Variants in ADAMTS20 observed in about 807,000 individuals in gnomAD.
The protein encoded by ADAMTS20 is ADAM metallopeptidase with thrombospondin type 1 motif 20.
A neutral mutation model predicts 260.1 loss-of-function variants in ADAMTS20; 225 were observed. That is an observed-to-expected ratio of 0.87 (90% CI 0.78 to 0.97). The LOEUF (loss-of-function observed/expected upper bound fraction) is 0.97. Ranked by LOEUF, ADAMTS20 falls within the 50% of genes least tolerant of loss-of-function variation. The pLI, the probability that ADAMTS20 is intolerant of heterozygous loss-of-function variation, is 0.00. For synonymous variants in ADAMTS20, 802 were observed against 769.5 expected (o/e 1.04, Z -0.70); for missense variants, 2,400 against 2,337.7 (o/e 1.03, Z -0.55).
intron 2 of ADAMTS20, among the ~76,000 whole-genome samples, chr12:43,534,659 A>G (rs914275262): frequency 5.3e-5 from 8 of 152,204 alleles, no homozygotes; most frequent in Admixed American, 4.6e-4. Flanking sequence ...AAACAAAAAG[A>G]GAAAACATTC....
intron 2 of ADAMTS20, among the ~76,000 whole-genome samples, chr12:43,532,774 A>G (rs1420569181): frequency 1.5e-5 from 1 of 68,784 alleles, no homozygotes; most frequent in African/African-American, 5.6e-5. Flanking sequence ...CTCATTGTTC[A>G]ATTCCCACCT....
intron 29 of ADAMTS20, among the ~76,000 whole-genome samples, chr12:43,394,611 TC>T (rs1940662150): frequency 6.6e-6 from 1 of 152,162 alleles, no homozygotes; most frequent in Non-Finnish European, 1.5e-5. Flanking sequence ...AAATTACATT[TC>T]TATTGACTAC....
chr12:43,511,830 G>A (rs1180504898), intron 3 of ADAMTS20, among the ~76,000 whole-genome samples: 2 of 152,028 alleles, frequency 1.3e-5, no homozygotes, highest in African/African-American at 4.8e-5. Flanking sequence ...TTTAAATGAG[G>A]ACATAAAAGT....
chr12:43,444,629 A>G (rs1197423262), intron 15 of ADAMTS20, among the ~76,000 whole-genome samples: 2 of 152,184 alleles, frequency 1.3e-5, no homozygotes, highest in Non-Finnish European at 2.9e-5. Context: ...CATGAAAACT[A>G]AAAACACTCA....
chr12:43,523,034 T>C (rs1028125423), intron 3 of ADAMTS20, among the ~76,000 whole-genome samples: 1 of 152,208 alleles, frequency 6.6e-6, no homozygotes, highest in African/African-American at 2.4e-5. Context: ...CTTCATCTTA[T>C]GTGCTAAATC....
rs117012862 is a variant in ADAMTS20, at chr12:43,395,925, T to G, written c.4452+3141A>C. On this transcript the variant is annotated intron_variant, in intron 29 of 38. Coordinates refer to ENST00000389420, the MANE Select transcript of ADAMTS20 (RefSeq NM_025003.5). ...TTTGGATGGCACTAAAGTAAGTAGATGGGACCTGAGACAATGAAGAATCTA... is the reference window on the plus strand; with the variant it reads ...TTTGGATGGCACTAAAGTAAGTAGAGGGGACCTGAGACAATGAAGAATCTA... Among the ~76,000 whole-genome samples, 9 of 152,066 alleles carry G rather than the reference T, an allele frequency of 5.9e-5. No homozygotes were observed. The East Asian group carries it at 1.7e-3, about 29-fold the overall frequency.
intron 28 of ADAMTS20, among the ~76,000 whole-genome samples, chr12:43,417,120 G>A (rs764615161): frequency 1.2e-4 from 18 of 152,232 alleles, no homozygotes; most frequent in Non-Finnish European, 2.4e-4. Flanking sequence ...CCCAGTGCCT[G>A]GTAGATATGG....
chr12:43,373,043 G>A (rs780552333), intron 36 of ADAMTS20, among the ~76,000 whole-genome samples: 3 of 152,210 alleles, frequency 2.0e-5, no homozygotes, highest in Non-Finnish European at 4.4e-5. Context: ...CCATGGATCC[G>A]TGTAAGCTTA....
intron 3 of ADAMTS20, among the ~76,000 whole-genome samples, chr12:43,517,403 AAC>A (rs967921350): frequency 3.9e-5 from 6 of 152,036 alleles, no homozygotes; most frequent in Non-Finnish European, 5.9e-5. Context: ...GAATAAACAA[AAC>A]AGTTAGAAAA....
At chr12:43,402,396 TTTAAA>T (rs1463677822) in intron 28 of ADAMTS20, among the ~76,000 whole-genome samples, 1 of 152,054 alleles carries the variant, frequency 6.6e-6, no homozygotes, top group Non-Finnish European at 1.5e-5. Flanking sequence ...GCTTTATACT[TTTAAA>T]GTAAAGTTCT....
intron 29 of ADAMTS20, among the ~76,000 whole-genome samples, chr12:43,396,168 T>C (rs1940698644): frequency 6.6e-6 from 1 of 152,114 alleles, no homozygotes; most frequent in African/African-American, 2.4e-5. Flanking sequence ...TGTTCCTGTT[T>C]AGCAACAGTC....
intron 6 of ADAMTS20, among the ~76,000 whole-genome samples, chr12:43,490,907 T>C (rs554662788): frequency 4.6e-5 from 7 of 152,034 alleles, no homozygotes; most frequent in Non-Finnish European, 1.0e-4. Context: ...CACCTCTTTC[T>C]CATAGCCCTT....
chr12:43,462,336 C>CT (rs1942077776), intron 11 of ADAMTS20, among the ~76,000 whole-genome samples: 1 of 152,186 alleles, frequency 6.6e-6, no homozygotes, highest in South Asian at 2.1e-4. Flanking sequence ...TCACAAGACA[C>CT]TTTTCATTAT....
Position 43,551,816 on chromosome 12 carries a change from T to C in ADAMTS20, c.91+15A>G, listed in dbSNP as rs774330762. On this transcript the variant is annotated intron_variant, in intron 1 of 38. Coordinates refer to ENST00000389420, the MANE Select transcript of ADAMTS20 (RefSeq NM_025003.5). The surrounding 1 kb of genome is among the most constrained non-coding windows in gnomAD (Gnocchi z 4.6). ...CCCCCACTTAGCCGCTGAAGGCGTCTCGCGGTGACTTTACCTTGCCTGGGG... is the reference window on the plus strand; with the variant it reads ...CCCCCACTTAGCCGCTGAAGGCGTCCCGCGGTGACTTTACCTTGCCTGGGG... The C allele has an allele frequency of 1.2e-6, 2 of 1,612,856 alleles. No individual in the cohort carries two copies. Among genetic ancestry groups the C allele is most frequent in the South Asian group, 1.1e-5 (1 of 91,042 alleles).
chr12:43,425,698 C>T lies in ADAMTS20; in HGVS notation c.4108-8G>A. The T allele has an allele frequency of 6.4e-7, 1 of 1,563,136 alleles. No individual in the cohort carries two copies. Among genetic ancestry groups the T allele is most frequent in the Non-Finnish European group, 8.7e-7 (1 of 1,148,118 alleles). On this transcript the variant is annotated splice_region_variant and splice_polypyrimidine_tract_variant and intron_variant, in intron 27 of 38. Transcript: ENST00000389420. ...TCCACATGTTTGTGAACACTAAAAA[C>T]AAGAATAGGAAAATTCAAAACTGTG...
intron 3 of ADAMTS20, among the ~76,000 whole-genome samples, chr12:43,528,370 A>AAAAAAAAAAAAC (rs1943174421): frequency 6.7e-6 from 1 of 149,136 alleles, no homozygotes; most frequent in African/African-American, 2.5e-5. Context: ...AAAAAAAAAA[A>AAAAAAAAAAAAC]AAAACACAAA....
At chr12:43,466,817 T>G in intron 8 of ADAMTS20, 22 bp from the exon 9 acceptor site, 2 of 1,531,186 alleles carry the variant, frequency 1.3e-6, no homozygotes, top group Non-Finnish European at 1.8e-6. Flanking sequence ...AATAAACACT[T>G]AAAAGGAATA....
In ADAMTS20 at chr12:43,443,861, A is replaced by T; in HGVS notation, c.2220T>A (p.Ile740=). 3 of 1,613,274 alleles carry T rather than the reference A, an allele frequency of 1.9e-6. No individual in the cohort carries two copies. Among genetic ancestry groups the T allele is most frequent in the Non-Finnish European group, 2.5e-6 (3 of 1,179,374 alleles). ...SHYGYNVVVK[I]PAGATNVDIR... is the part of the protein sequence containing the mutation. The stretch of plus-strand genomic sequence containing the variant: ...TGTCAACGTTTGTTGCTCCTGCGGG[A>T]ATCTTTACAACAACATTATAACCTG... Residue 740 remains isoleucine, a synonymous_variant, in exon 16 of 39, where the codon ATT becomes ATA. Coordinates refer to ENST00000389420, the MANE Select transcript of ADAMTS20 (RefSeq NM_025003.5).
chr12:43,442,509 C>T (rs999267894), intron 16 of ADAMTS20, among the ~76,000 whole-genome samples: 2 of 152,122 alleles, frequency 1.3e-5, no homozygotes, highest in African/African-American at 4.8e-5. Flanking sequence ...CCACCTGCCT[C>T]GGCCTCCCAA....
Sources: gnomAD v4.1 joint callset for allele counts (sites outside exome capture counted in the v4.1 genomes callset) on GRCh38, gnomAD v4.1.1 for gene constraint, Gnocchi (gnomAD v3.1) non-coding constraint, MANE v1.5 for transcripts, NCBI Gene and HGNC (gene_info 2026-07-23, HGNC 2026-07-21) for gene names.